The following ETV7 variants were observed in gnomAD, a reference collection of about 807,000 sequenced individuals.
ETV7 encodes the protein transcription factor ETV7.
In ETV7, 43 loss-of-function variants were observed where a neutral mutation model predicts 39.1. The ratio of observed to expected loss-of-function variants is 1.10; its 90% confidence interval spans 0.86 to 1.42. The LOEUF (loss-of-function observed/expected upper bound fraction) is 1.42, where lower values mean the gene tolerates loss of function less well. Ranked by LOEUF, ETV7 falls within the 40% of genes most tolerant of loss-of-function variation. The pLI, the probability that ETV7 is intolerant of heterozygous loss-of-function variation, is 0.00. For missense variants in ETV7, 432 were observed against 442.3 expected (o/e 0.98, Z 0.21); for synonymous variants, 196 against 176.6 (o/e 1.11, Z -0.87).
intron 3 of ETV7, 85 bp downstream of exon 3, chr6:36,375,786 C>A: frequency 6.3e-7 from 1 of 1,598,622 alleles, no homozygotes. Context: ...CCCTCCATCT[C>A]CCTCCCTGGG....
At chr6:36,378,588 C>A (rs1166008550) in intron 2 of ETV7, among the ~76,000 whole-genome samples, 1 of 152,088 alleles carries the variant, frequency 6.6e-6, no homozygotes, top group African/African-American at 2.4e-5. Context: ...TTAATGCCTA[C>A]CATAGGTCAA....
chr6:36,377,856 G>C (rs1360575160), intron 2 of ETV7, among the ~76,000 whole-genome samples: 1 of 152,154 alleles, frequency 6.6e-6, no homozygotes, highest in African/African-American at 2.4e-5. Context: ...CGTTCACTGT[G>C]CTGAGAAAAC....
At chr6:36,370,971 C>T (rs1407013670) in intron 5 of ETV7, among the ~76,000 whole-genome samples, 4 of 152,136 alleles carry the variant, frequency 2.6e-5, no homozygotes, top group African/African-American at 7.2e-5. Flanking sequence ...CTCAAAAGGC[C>T]ATTGTAGAAT....
At chr6:36,363,422 G>A (rs7745457), downstream of ETV7, among the ~76,000 whole-genome samples, 12,192 of 151,122 alleles carry the variant, frequency 0.081, 643 homozygotes, top group African/African-American at 0.16. Context: ...TGAAGCTGCA[G>A]ACCTTCACGG....
In ETV7 at chr6:36,376,843, G is replaced by A. The variant is rs183976555; in HGVS notation, c.143-808C>T. ...CAAATGAGGCAGTGAGGCTCCCAGAGGTTAAGTGACTAGCCCACACGCATA... is the reference window on the plus strand; with the variant it reads ...CAAATGAGGCAGTGAGGCTCCCAGAAGTTAAGTGACTAGCCCACACGCATA... On this transcript the variant is annotated intron_variant, in intron 2 of 7. Coordinates refer to ENST00000340181, the MANE Select transcript of ETV7 (RefSeq NM_016135.4). Among the ~76,000 whole-genome samples the A allele has an allele frequency of 2.1e-3, 317 of 152,112 alleles. 3 individuals carry two copies. Among genetic ancestry groups the A allele is most frequent in the South Asian group, 0.017 (84 of 4,808 alleles).
intron 6 of ETV7, among the ~76,000 whole-genome samples, chr6:36,367,223 G>A (rs140896655): frequency 6.6e-6 from 1 of 152,054 alleles, no homozygotes; most frequent in South Asian, 2.1e-4. Context: ...TGGGCAGATC[G>A]CTTGAGGTCA....
chr6:36,381,817 G>T (rs957404051), intron 2 of ETV7, among the ~76,000 whole-genome samples: 2 of 152,188 alleles, frequency 1.3e-5, no homozygotes, highest in African/African-American at 2.4e-5. Context: ...GTGAAATCCA[G>T]CTGGGACTTT....
intron 3 of ETV7, 108 bp downstream of exon 3, chr6:36,375,763 C>T (rs985600646): frequency 1.9e-6 from 3 of 1,554,126 alleles, no homozygotes; most frequent in African/African-American, 1.3e-5. Flanking sequence ...GAGCATGATT[C>T]CCCAAGGAAG....
intron 7 of ETV7, among the ~76,000 whole-genome samples, chr6:36,356,339 A>C (rs6907346): frequency 1.7e-4 from 26 of 150,094 alleles, no homozygotes; most frequent in South Asian, 4.2e-4. Flanking sequence ...AAAAAAAAAA[A>C]CAAAAAAAAA....
At chr6:36,360,758 C>T (rs1772467104) in intron 7 of ETV7, among the ~76,000 whole-genome samples, 1 of 152,198 alleles carries the variant, frequency 6.6e-6, no homozygotes. Flanking sequence ...GTGCAGTCTC[C>T]CTGACCCCCT....
chr6:36,373,477 G>A lies in ETV7; in HGVS notation c.409C>T (p.Gln137Ter). Residue 137 changes from glutamine (Q) to a stop codon, truncating the protein, a stop_gained, in exon 4 of 8, where the codon CAG (glutamine) becomes TAG (stop). Coordinates refer to ENST00000340181, the MANE Select transcript of ETV7 (RefSeq NM_016135.4). LOFTEE classifies it high-confidence loss of function. ...GGIFRLKTPT[Q>*]HSPVPPEEVT... ...CCTTCCGGGGGGACTGGAGAGTGCT[G>A]GGTGGGCGTCTTCAGCCTGAAGATC... The A allele has an allele frequency of 6.3e-7, 1 of 1,584,418 alleles. No homozygotes were observed. The highest frequency in any genetic ancestry group is 8.6e-7 in the Non-Finnish European group (1 of 1,167,340).
chr6:36,374,990 A>G (rs1582200150), intron 3 of ETV7, among the ~76,000 whole-genome samples: 1 of 150,562 alleles, frequency 6.6e-6, no homozygotes, highest in South Asian at 2.1e-4. Flanking sequence ...AATCGCTTGA[A>G]CCTGGGAGGC....
chr6:36,354,618 C>G (rs1457875066), exon 8 of ETV7: 1 of 691,404 alleles, frequency 1.4e-6, no homozygotes, highest in Non-Finnish European at 2.6e-6. Flanking sequence ...TTTTTCTTTC[C>G]AAGACTGTTT....
downstream of ETV7, among the ~76,000 whole-genome samples, chr6:36,362,275 C>G (rs901684037): frequency 6.6e-6 from 1 of 151,492 alleles, no homozygotes; most frequent in Non-Finnish European, 1.5e-5. Context: ...GCAGTCCGGC[C>G]TGTGTGAAAG....
downstream of ETV7, among the ~76,000 whole-genome samples, chr6:36,363,591 C>T (rs1309460246): frequency 6.6e-6 from 1 of 152,234 alleles, no homozygotes; most frequent in African/African-American, 2.4e-5. Flanking sequence ...AACAAAGCTC[C>T]CACGGTGTCA....
intron 2 of ETV7, among the ~76,000 whole-genome samples, chr6:36,379,868 G>A (rs1265736943): frequency 2.1e-5 from 3 of 145,514 alleles, no homozygotes; most frequent in Non-Finnish European, 3.0e-5. Context: ...TGAGCAAGAC[G>A]CCATCTCAAA....
intron 2 of ETV7, among the ~76,000 whole-genome samples, chr6:36,385,215 C>T (rs1184605368): frequency 6.6e-6 from 1 of 152,072 alleles, no homozygotes. Flanking sequence ...GTGGTTCAGA[C>T]CTGTAATCCC....
At chr6:36,379,560 A>AAAGAAGAAGAAG (rs145420270) in intron 2 of ETV7, among the ~76,000 whole-genome samples, 1 of 143,808 alleles carries the variant, frequency 7.0e-6, no homozygotes, top group African/African-American at 2.6e-5. Flanking sequence ...AAAAAAAAAA[A>AAAGAAGAAGAAG]AAGAAGAAGA....
In ETV7 at chr6:36,366,468, T is replaced by C. The variant is rs765769287; in HGVS notation, c.*177A>G. On this transcript the variant is annotated 3_prime_UTR_variant, in exon 8 of 8. Transcript: ENST00000340181. The stretch of plus-strand genomic sequence containing the variant: ...GATTGCCCTGCCCAAAAGATGACAC[T>C]CCTGCCCCCAGTGTCCTGGATGGGA... 3.4e-6 allele frequency: 5 copies of C among 1,471,290 alleles called. No homozygotes were observed. The highest frequency in any genetic ancestry group is 4.5e-6 in the Non-Finnish European group (5 of 1,117,628). The allele number at this position is 1,471,290 out of a possible 1,614,324, so 91.1% of individuals were successfully genotyped here. A position where few individuals can be genotyped will look rare whatever the true frequency, so the allele number is the denominator to read the frequency against.
Sources: allele counts gnomAD v4.1 joint callset (sites outside exome capture counted in the v4.1 genomes callset), GRCh38; gene constraint gnomAD v4.1.1; transcripts MANE v1.5; gene names NCBI Gene and HGNC (gene_info 2026-07-23, HGNC 2026-07-21).